Variants in SLC2A9 observed in about 807,000 individuals in gnomAD.
SLC2A9 encodes the protein solute carrier family 2, facilitated glucose transporter member 9.
SLC2A9 carries 39 observed loss-of-function variants against 50.6 expected under a neutral mutation model. That is an observed-to-expected ratio of 0.77 (90% confidence interval 0.60 to 1.01). The LOEUF is 1.01. Among genes scored for constraint, SLC2A9 ranks in the 50% least tolerant of loss-of-function variants. The pLI is 0.00. For synonymous variants in SLC2A9, 324 were observed against 276.9 expected (o/e 1.17, Z -1.69); for missense variants, 686 against 677.6 (o/e 1.01, Z -0.14).
At chr4:9,861,810 G>A (rs778033441) in intron 10 of SLC2A9, among the ~76,000 whole-genome samples, 8 of 152,116 alleles carry the variant, frequency 5.3e-5, no homozygotes, top group Admixed American at 5.2e-4. Flanking sequence ...CAAGTATGTC[G>A]TAGGTGCTTA....
chr4:9,788,353 G>T (rs1006128981), intron 3 of SLC2A9, among the ~76,000 whole-genome samples: 3 of 59,624 alleles, frequency 5.0e-5, no homozygotes, highest in African/African-American at 1.7e-4. Flanking sequence ...CCATGCCCAG[G>T]TAATTTTTTT....
At chr4:10,028,203 A>G (rs200905725) in intron 1 of SLC2A9, among the ~76,000 whole-genome samples, 1 of 152,182 alleles carries the variant, frequency 6.6e-6, no homozygotes, top group Non-Finnish European at 1.5e-5. Flanking sequence ...GGACCAAGCA[A>G]TTTCATGGTG....
intron 6 of SLC2A9, among the ~76,000 whole-genome samples, chr4:9,931,995 T>C (rs1447770933): frequency 1.6e-5 from 2 of 127,000 alleles, no homozygotes; most frequent in East Asian, 2.3e-4. Flanking sequence ...TATATATATA[T>C]ATATGCCTTG....
chr4:9,960,418 C>T (rs562438240), intron 5 of SLC2A9, among the ~76,000 whole-genome samples: 23 of 152,326 alleles, frequency 1.5e-4, no homozygotes, highest in Admixed American at 8.5e-4. Flanking sequence ...ATGATGCCTA[C>T]TCTATGCTGG....
intron 10 of SLC2A9, among the ~76,000 whole-genome samples, chr4:9,866,759 C>A (rs1466636478): frequency 6.6e-6 from 1 of 152,152 alleles, no homozygotes; most frequent in Non-Finnish European, 1.5e-5. Flanking sequence ...GCATCTAACT[C>A]GCTTCATGTA....
chr4:9,878,616 GC>G lies in SLC2A9; in HGVS notation c.1291+8950del, dbSNP rs542324910. ...TCCACTTGGCTGTTTCTGAGTTGCA[GC>G]CTCTATAATAAAGCTGTAATTGTAA... On this transcript the variant is annotated intron_variant, in intron 10 of 11. Coordinates refer to ENST00000264784, the MANE Select transcript of SLC2A9 (RefSeq NM_020041.3). Among the ~76,000 whole-genome samples, 391 of 152,090 alleles carry G rather than the reference GC, an allele frequency of 2.6e-3. 1 individual carries two copies. The highest frequency in any genetic ancestry group is 8.9e-3 in the African/African-American group (370 of 41,488).
intron 10 of SLC2A9, among the ~76,000 whole-genome samples, chr4:9,882,230 A>G (rs911004940): frequency 1.3e-5 from 2 of 152,190 alleles, no homozygotes; most frequent in African/African-American, 4.8e-5. Context: ...CATCCTGGGA[A>G]GATAAAAGCA....
chr4:9,962,745 T>G (rs556553137), intron 5 of SLC2A9, among the ~76,000 whole-genome samples: 7 of 152,270 alleles, frequency 4.6e-5, no homozygotes, highest in African/African-American at 1.4e-4. Flanking sequence ...GGAAGATGTT[T>G]GGGCAGGTGT....
chr4:9,948,359 T>TGCTG (rs1749584464), intron 5 of SLC2A9, among the ~76,000 whole-genome samples: 1 of 152,172 alleles, frequency 6.6e-6, no homozygotes, highest in Non-Finnish European at 1.5e-5. Context: ...GCGGCTTAGG[T>TGCTG]GCTGGGGTTG....
chr4:9,996,600 C>T (rs1457120821), intron 3 of SLC2A9, among the ~76,000 whole-genome samples, 181 bp downstream of exon 3: 1 of 152,230 alleles, frequency 6.6e-6, no homozygotes, highest in Non-Finnish European at 1.5e-5. Context: ...GCCTGCAGTC[C>T]ATGGCTTCAG....
At chr4:9,917,362 T>A (rs35955619) in intron 7 of SLC2A9, among the ~76,000 whole-genome samples, 51,583 of 132,508 alleles carry the variant, frequency 0.39, 10,709 homozygotes, top group Admixed American at 0.43. Context: ...TGATGGAGTC[T>A]TGCTCTGTGT....
chr4:9,829,872 G>C (rs1477888040), intron 11 of SLC2A9, among the ~76,000 whole-genome samples: 1 of 152,182 alleles, frequency 6.6e-6, no homozygotes, highest in Non-Finnish European at 1.5e-5. Context: ...AACAGATGCT[G>C]GCGAGCTTGC....
Position 10,005,971 on chromosome 4 carries a change from G to C in SLC2A9, c.250-9030C>G, listed in dbSNP as rs543480605. On this transcript the variant is annotated intron_variant, in intron 2 of 11. Coordinates refer to ENST00000264784, the MANE Select transcript of SLC2A9 (RefSeq NM_020041.3). ...AAGAGTTACTGTGAAGATTTAATGA[G>C]AGAATGAAGATACAGCACAGTGCTG... Among the ~76,000 whole-genome samples the C allele has an allele frequency of 1.3e-4, 20 of 152,298 alleles. No individual in the cohort carries two copies. In the South Asian group the frequency reaches 3.9e-3, roughly 30 times the overall value.
At chr4:9,795,574 G>A (rs1470284955), downstream of SLC2A9, among the ~76,000 whole-genome samples, 2 of 152,136 alleles carry the variant, frequency 1.3e-5, no homozygotes, top group African/African-American at 4.8e-5. Flanking sequence ...TGGATTCAGC[G>A]TGCATCAGAA....
chr4:9,774,421 G>C (rs1273532124), intron 1 of SLC2A9, among the ~76,000 whole-genome samples: 2 of 152,138 alleles, frequency 1.3e-5, no homozygotes, highest in Non-Finnish European at 2.9e-5. Context: ...TGTTAGGGTC[G>C]TGCTTCCACC....
intron 6 of SLC2A9, among the ~76,000 whole-genome samples, chr4:9,938,057 C>G (rs1411542946): frequency 6.6e-6 from 1 of 152,158 alleles, no homozygotes; most frequent in Non-Finnish European, 1.5e-5. Context: ...CTTCATAATG[C>G]TACAATCATC....
At chr4:9,772,702 T>C (rs1295724534) in intron 1 of SLC2A9, among the ~76,000 whole-genome samples, 1 of 152,006 alleles carries the variant, frequency 6.6e-6, no homozygotes, top group Admixed American at 6.5e-5. Context: ...GTGTGTTATG[T>C]AGCATTGCTG....
chr4:9,920,132 T>C (rs191882578), intron 7 of SLC2A9, among the ~76,000 whole-genome samples: 1 of 152,382 alleles, frequency 6.6e-6, no homozygotes, highest in East Asian at 1.9e-4. Context: ...TAGCATTTAT[T>C]ATAGGATATC....
At chr4:9,787,317 G>T (rs1463369495) in intron 3 of SLC2A9, among the ~76,000 whole-genome samples, 4 of 152,208 alleles carry the variant, frequency 2.6e-5, no homozygotes, top group African/African-American at 4.8e-5. Context: ...GAGTGCCAAA[G>T]AATTTGCAGA....
Sources: allele counts gnomAD v4.1 joint callset (sites outside exome capture counted in the v4.1 genomes callset), GRCh38; gene constraint gnomAD v4.1.1; transcripts MANE v1.5; gene names NCBI Gene and HGNC (gene_info 2026-07-23, HGNC 2026-07-21).